The following DOCK8 variants were observed in gnomAD, a reference collection of about 807,000 sequenced individuals.
DOCK8 encodes dedicator of cytokinesis protein 8.
DOCK8 carries 141 observed loss-of-function variants against 245.6 expected under a neutral mutation model. The ratio of observed to expected loss-of-function variants is 0.57; its 90% CI spans 0.50 to 0.66. The LOEUF (loss-of-function observed/expected upper bound fraction) is 0.66. DOCK8 is among the 30% of genes least tolerant of loss of function. DOCK8 has a pLI of 0.00. For synonymous variants in DOCK8, 1,168 were observed against 970.2 expected, an observed-to-expected ratio of 1.20 and a Z score of -3.79; for missense variants, 2,965 against 2,603.4, an observed-to-expected ratio of 1.14 and a Z score of -3.02.
chr9:450,324 A>G (rs1387094521), intron 45 of DOCK8, among the ~76,000 whole-genome samples: 2 of 152,202 alleles, frequency 1.3e-5, no homozygotes, highest in East Asian at 3.9e-4. Context: ...GAGAGAAGGA[A>G]AAGGATCTAG....
chr9:248,331 C>G (rs1190338734), intron 1 of DOCK8, among the ~76,000 whole-genome samples: 1 of 152,186 alleles, frequency 6.6e-6, no homozygotes, highest in East Asian at 1.9e-4. Flanking sequence ...TTTATAAGGC[C>G]TGACTCATTA....
chr9:328,534 C>G (rs1169257362), intron 9 of DOCK8, among the ~76,000 whole-genome samples: 1 of 152,104 alleles, frequency 6.6e-6, no homozygotes, highest in Non-Finnish European at 1.5e-5. Flanking sequence ...TCTTGGGCAC[C>G]CTTCTCCTAA....
At chr9:268,810 G>T (rs902343096) in intron 1 of DOCK8, among the ~76,000 whole-genome samples, 1 of 152,228 alleles carries the variant, frequency 6.6e-6, no homozygotes, top group Admixed American at 6.5e-5. Context: ...AATGATTGCA[G>T]TGTTGGTTTG....
At chr9:315,239 T>G (rs1043526767) in intron 6 of DOCK8, among the ~76,000 whole-genome samples, 4 of 152,232 alleles carry the variant, frequency 2.6e-5, no homozygotes, top group Non-Finnish European at 5.9e-5. Flanking sequence ...TCTCATTATC[T>G]CTTTCATTCC....
intron 14 of DOCK8, among the ~76,000 whole-genome samples, chr9:363,390 G>A (rs1320271307): frequency 2.0e-5 from 3 of 152,266 alleles, no homozygotes; most frequent in South Asian, 4.1e-4. Flanking sequence ...AATTTATCAC[G>A]TATGAAGCAT....
At chr9:286,224 C>A (rs528470819) in intron 2 of DOCK8, among the ~76,000 whole-genome samples, 1 of 152,224 alleles carries the variant, frequency 6.6e-6, no homozygotes, top group East Asian at 1.9e-4. Flanking sequence ...AGAAAAATTC[C>A]GCCTTGGGGT....
intron 23 of DOCK8, among the ~76,000 whole-genome samples, chr9:387,975 G>C (rs1482108675): frequency 6.6e-6 from 1 of 152,220 alleles, no homozygotes; most frequent in Non-Finnish European, 1.5e-5. Context: ...AGCAGACAGA[G>C]TTTTGCTGCT....
At chr9:325,970 G>C (rs753426687) in intron 8 of DOCK8, among the ~76,000 whole-genome samples, 2 of 152,216 alleles carry the variant, frequency 1.3e-5, no homozygotes, top group Non-Finnish European at 2.9e-5. Context: ...GGCCTGGTTG[G>C]AATAGAGAAA....
intron 1 of DOCK8, among the ~76,000 whole-genome samples, chr9:253,273 C>CT (rs1037972432): frequency 6.6e-6 from 1 of 152,180 alleles, no homozygotes; most frequent in African/African-American, 2.4e-5. Context: ...AGTAACTGAT[C>CT]TTTCAATCGA....
At chr9:319,045 C>G (rs934476620) in intron 7 of DOCK8, among the ~76,000 whole-genome samples, 1 of 152,076 alleles carries the variant, frequency 6.6e-6, no homozygotes, top group African/African-American at 2.4e-5. Flanking sequence ...ACCTGTAATC[C>G]CAACACTTTG....
chr9:329,065 T>C (rs2050892602), intron 9 of DOCK8, among the ~76,000 whole-genome samples: 1 of 145,246 alleles, frequency 6.9e-6, no homozygotes, highest in African/African-American at 2.5e-5. Context: ...TTCTCCTGCC[T>C]CAGCCTCCCG....
At chr9:219,826 A>C (rs915442920) in intron 1 of DOCK8, among the ~76,000 whole-genome samples, 1 of 152,136 alleles carries the variant, frequency 6.6e-6, no homozygotes, top group Admixed American at 6.5e-5. Context: ...GAACCCAGGA[A>C]GTTGAAGCTG....
intron 4 of DOCK8, among the ~76,000 whole-genome samples, chr9:298,212 G>A (rs976658386): frequency 4.6e-5 from 7 of 152,152 alleles, no homozygotes; most frequent in African/African-American, 1.7e-4. Flanking sequence ...ATCACCTGAG[G>A]TCAGGAGTTC....
rs115213866 is a variant in DOCK8, at chr9:258,415, T to C, written c.54-13212T>C. 7.4e-3 allele frequency among the ~76,000 whole-genome samples: 1,125 copies of C among 151,768 alleles called. 10 individuals are homozygous for C. Among genetic ancestry groups the C allele is most frequent in the African/African-American group, 0.025 (1,043 of 41,356 alleles). On this transcript the variant is annotated intron_variant, in intron 1 of 47. Coordinates refer to ENST00000432829, the MANE Select transcript of DOCK8 (RefSeq NM_203447.4). ...AACTTAGATAAATCACAAATCAGAG[T>C]GGAGAAATGAGGTGTTTTTAATCAA...
At chr9:275,285 G>A (rs1445113827) in intron 2 of DOCK8, among the ~76,000 whole-genome samples, 2 of 152,206 alleles carry the variant, frequency 1.3e-5, no homozygotes, top group African/African-American at 2.4e-5. Context: ...CTTCAGCTCT[G>A]AAGGGCTTTA....
At chr9:288,797 A>G (rs779119319) in intron 3 of DOCK8, among the ~76,000 whole-genome samples, 5 of 152,250 alleles carry the variant, frequency 3.3e-5, no homozygotes, top group East Asian at 3.8e-4. Flanking sequence ...AACCTTTACA[A>G]TATTTTATCT....
chr9:430,549 A>G (rs976496258), intron 36 of DOCK8, among the ~76,000 whole-genome samples: 4 of 151,216 alleles, frequency 2.6e-5, no homozygotes, highest in Non-Finnish European at 4.4e-5. Context: ...GTGTGGTGGC[A>G]CACACGCCCG....
intron 17 of DOCK8, among the ~76,000 whole-genome samples, chr9:371,923 T>C (rs1229027131): frequency 1.3e-5 from 2 of 152,186 alleles, no homozygotes; most frequent in African/African-American, 4.8e-5. Context: ...TAAACATTGA[T>C]GTTGTTCAGA....
rs749045514 is a variant in DOCK8, at chr9:355,192, CTTTTTTTTTT to C, written c.1680-12805_1680-12796del. 2.5e-4 allele frequency among the ~76,000 whole-genome samples: 30 copies of C among 121,082 alleles called. 3 individuals are homozygous for C. Among genetic ancestry groups the C allele is most frequent in the Admixed American group, 7.0e-4 (8 of 11,374 alleles). The allele number at this position is 121,082 out of a possible 152,430, so 79.4% of individuals were successfully genotyped here. A position where few individuals can be genotyped will look rare whatever the true frequency, so the allele number is the denominator to read the frequency against. ...AGACTGGTGTATTTCTGTTTCTTTT[CTTTTTTTTTT>C]TTTTTTTTTTTTTTTTTTTTGAGAC... On this transcript the variant is annotated intron_variant, in intron 14 of 47. Transcript: ENST00000432829.
Sources: allele counts gnomAD v4.1 joint callset (sites outside exome capture counted in the v4.1 genomes callset), GRCh38; gene constraint gnomAD v4.1.1; transcripts MANE v1.5; gene names NCBI Gene and HGNC (gene_info 2026-07-23, HGNC 2026-07-21).